Variants in OR10A2 observed in about 807,000 individuals in gnomAD.
OR10A2 encodes olfactory receptor 10A2.
A neutral mutation model predicts 13.7 loss-of-function variants in OR10A2; 15 were observed. The ratio of observed to expected loss-of-function variants is 1.10; its 90% CI spans 0.73 to 1.69. The LOEUF is 1.69. OR10A2 is among the 40% of genes most tolerant of loss of function. OR10A2 has a pLI of 0.00. For synonymous variants in OR10A2, 145 were observed against 144.7 expected (o/e 1.00, Z -0.02); for missense variants, 343 against 361.1 (o/e 0.95, Z 0.41).
rs974627220 is a variant in OR10A2 at position 6,873,583 on chromosome 11, G to A, written c.*2917G>A. ...CAGGAGTGCTGAGAGACTATGATGT[G>A]TGTAAGGAACACAAAGCATTTTTGT... On this transcript the variant is annotated 3_prime_UTR_variant, in exon 2 of 2. Coordinates refer to ENST00000641461, the MANE Select transcript of OR10A2 (RefSeq NM_001004460.2). 3.9e-5 allele frequency: 6 copies of A among 152,208 alleles called. No individual in the cohort carries two copies. The highest frequency in any genetic ancestry group is 5.9e-5 in the Non-Finnish European group (4 of 68,040). 9.4% of individuals were successfully genotyped at this position (152,208 alleles called of 1,614,324 possible).
rs963582253 is a variant in OR10A2, at chr11:6,871,590, A to T, written c.*924A>T. The T allele has an allele frequency of 6.6e-6, 1 of 152,166 alleles. No individual in the cohort carries two copies. The highest frequency in any genetic ancestry group is 1.5e-5 in the Non-Finnish European group (1 of 68,020). 9.4% of individuals were successfully genotyped at this position (152,166 alleles called of 1,614,324 possible). On this transcript the variant is annotated 3_prime_UTR_variant, in exon 2 of 2. Coordinates refer to ENST00000641461, the MANE Select transcript of OR10A2 (RefSeq NM_001004460.2). The stretch of plus-strand genomic sequence containing the variant: ...ATTTCCTTCACACTAGATTCTTCCC[A>T]AGAAAAACAACCTGAGCTTCCCTAA...
At chr11:6,869,339 G>A (rs1028682327) in intron 1 of OR10A2, among the ~76,000 whole-genome samples, 6 of 152,016 alleles carry the variant, frequency 3.9e-5, no homozygotes, top group Non-Finnish European at 8.8e-5. Context: ...GTTCTTTTAC[G>A]AGATTATAAA....
At position 6,869,717 on chromosome 11, in the gene OR10A2, C is replaced by G. The variant is rs770205606; in HGVS notation, c.-38C>G. 1.4e-5 allele frequency: 22 copies of G among 1,559,816 alleles called. No homozygotes were observed. Among genetic ancestry groups the G allele is most frequent in the Non-Finnish European group, 1.9e-5 (21 of 1,134,388 alleles). On this transcript the variant is annotated 5_prime_UTR_variant, in exon 2 of 2. Coordinates refer to ENST00000641461, the MANE Select transcript of OR10A2 (RefSeq NM_001004460.2). ...TGGGGACTTCTGCCCACACTTATAG[C>G]TACAGGAAACTGGACAAGAATAAGT...
intron 1 of OR10A2, among the ~76,000 whole-genome samples, chr11:6,866,934 C>T (rs1358090982): frequency 6.6e-6 from 1 of 152,094 alleles, no homozygotes; most frequent in Non-Finnish European, 1.5e-5. Context: ...TTCTACCCCT[C>T]TCCATTCTTT....
Position 6,870,833 on chromosome 11 carries a change from G to C in OR10A2, c.*167G>C, listed in dbSNP as rs1848426889. ...GGAGCAGAGAAGTAGTTTCGACCTA[G>C]CACCACCAACTATGAAAACTCCTCT... On this transcript the variant is annotated 3_prime_UTR_variant, in exon 2 of 2. Transcript: ENST00000641461. 7.4e-6 allele frequency: 4 copies of C among 541,536 alleles called. No individual in the cohort carries two copies. The highest frequency in any genetic ancestry group is 1.3e-5 in the Non-Finnish European group (4 of 311,288). The allele number at this position is 541,536 out of a possible 1,614,324, so 33.5% of individuals were successfully genotyped here.
intron 1 of OR10A2, among the ~76,000 whole-genome samples, chr11:6,865,332 A>T (rs4505048): frequency 0.33 from 49,393 of 151,312 alleles, 8,565 homozygotes; most frequent in South Asian, 0.41. Flanking sequence ...ATGTATCACA[A>T]GTGTGCAGGC....
At position 6,871,587 on chromosome 11, in the gene OR10A2, C is replaced by A. The variant is rs115356065; in HGVS notation, c.*921C>A. ...ATTATTTCCTTCACACTAGATTCTT[C>A]CCAAGAAAAACAACCTGAGCTTCCC... On this transcript the variant is annotated 3_prime_UTR_variant, in exon 2 of 2. Transcript: ENST00000641461. 1 of 152,276 alleles carries A rather than the reference C, an allele frequency of 6.6e-6. No homozygotes were observed. Among genetic ancestry groups the A allele is most frequent in the African/African-American group, 2.4e-5 (1 of 41,554 alleles). 9.4% of individuals were successfully genotyped at this position (152,276 alleles called of 1,614,324 possible). A position where few individuals can be genotyped will look rare whatever the true frequency, so the allele number is the denominator to read the frequency against.
intron 1 of OR10A2, among the ~76,000 whole-genome samples, chr11:6,865,388 G>A (rs180869267): frequency 1.3e-5 from 2 of 151,734 alleles, no homozygotes; most frequent in Admixed American, 1.3e-4. Flanking sequence ...TTATATGACA[G>A]CATTAAATGT....
Position 6,869,630 on chromosome 11 carries a change from G to A in OR10A2, c.-125G>A, listed in dbSNP as rs1394451451. ...TGCCTCTTTCCCTGACAGTAAGAAC[G>A]AGTCTGAAAAACAAATTGAGAATCT... On this transcript the variant is annotated 5_prime_UTR_variant, in exon 2 of 2. Transcript: ENST00000641461. The A allele has an allele frequency of 5.7e-6, 5 of 874,370 alleles. No homozygotes were observed. The highest frequency in any genetic ancestry group is 3.2e-5 in the South Asian group (2 of 63,096). The allele number at this position is 874,370 out of a possible 1,614,324, so 54.2% of individuals were successfully genotyped here. A position where few individuals can be genotyped will look rare whatever the true frequency, so the allele number is the denominator to read the frequency against.
chr11:6,870,250 T>G lies in OR10A2; in HGVS notation c.496T>G (p.Cys166Gly), dbSNP rs747363841. Residue 166 changes from cysteine (C) to glycine (G), a missense_variant, in exon 2 of 2, where the codon TGT becomes GGT. Cys to Gly is a radical substitution (Grantham distance 159). Transcript: ENST00000641461. ...CACCAACAAGGTGAACCACTTCTTC[T>G]GTGACAGCCCACCTGTGCTGAGGCT... The part of the protein sequence containing the change: ...CGTNKVNHFF[C>G]DSPPVLRLVC... The G allele has an allele frequency of 6.2e-7, 1 of 1,614,208 alleles. No homozygotes were observed. Among genetic ancestry groups the G allele is most frequent in the South Asian group, 1.1e-5 (1 of 91,086 alleles).
Position 6,873,627 on chromosome 11 carries a change from A to G in OR10A2, c.*2961A>G, listed in dbSNP as rs7941032. ...TTTTTGTGTCACTGAAAAATCAGCT[A>G]CACTGGGGATTTGAAACTGGAAAAA... On this transcript the variant is annotated 3_prime_UTR_variant, in exon 2 of 2. Coordinates refer to ENST00000641461, the MANE Select transcript of OR10A2 (RefSeq NM_001004460.2). 31,163 of 152,230 alleles carry G rather than the reference A, an allele frequency of 0.2. 3,356 individuals are homozygous for G. Among genetic ancestry groups the G allele is most frequent in the Non-Finnish European group, 0.24 (16,170 of 68,018 alleles). 9.4% of individuals were successfully genotyped at this position (152,230 alleles called of 1,614,324 possible). A position where few individuals can be genotyped will look rare whatever the true frequency, so the allele number is the denominator to read the frequency against.
At chr11:6,864,576 GAGA>G (rs1271417847) in intron 1 of OR10A2, among the ~76,000 whole-genome samples, 10 of 152,140 alleles carry the variant, frequency 6.6e-5, no homozygotes, top group Non-Finnish European at 1.5e-4. Flanking sequence ...GAGGAAAATA[GAGA>G]AGATGACTAA....
chr11:6,869,326 TGTG>T (rs1471635348), intron 1 of OR10A2, among the ~76,000 whole-genome samples: 20 of 152,270 alleles, frequency 1.3e-4, no homozygotes, highest in African/African-American at 4.6e-4. Context: ...TTTAAATGTA[TGTG>T]TTCTTTTACG....
In OR10A2 at chr11:6,874,184, C is replaced by T. The variant is rs1449138; in HGVS notation, c.*3518C>T. 71,101 of 151,978 alleles carry T rather than the reference C, an allele frequency of 0.47. 18,147 individuals are homozygous for T. Among genetic ancestry groups the T allele is most frequent in the Admixed American group, 0.57 (8,652 of 15,276 alleles). The allele number at this position is 151,978 out of a possible 1,614,324, so 9.4% of individuals were successfully genotyped here. A position where few individuals can be genotyped will look rare whatever the true frequency, so the allele number is the denominator to read the frequency against. Reference sequence around the variant, plus strand: ...TCCTTATGAATGGGGCTCACTGTACCTACTTTGTGTCTGTGTAGATGTTTC... The same window carrying T: ...TCCTTATGAATGGGGCTCACTGTACTTACTTTGTGTCTGTGTAGATGTTTC... On this transcript the variant is annotated 3_prime_UTR_variant, in exon 2 of 2. Coordinates refer to ENST00000641461, the MANE Select transcript of OR10A2 (RefSeq NM_001004460.2).
intron 1 of OR10A2, among the ~76,000 whole-genome samples, chr11:6,864,965 T>G (rs1330720377): frequency 1.4e-5 from 2 of 146,796 alleles, no homozygotes; most frequent in African/African-American, 2.5e-5. Flanking sequence ...TTCTCATATA[T>G]AAATATATAT....
chr11:6,864,536 C>T (rs1005858792), intron 1 of OR10A2, among the ~76,000 whole-genome samples: 4 of 152,032 alleles, frequency 2.6e-5, no homozygotes, highest in African/African-American at 7.2e-5. Context: ...GTAGAAATAT[C>T]TGAATAATTA....
At chr11:6,864,230 T>A (rs1848363073) in intron 1 of OR10A2, among the ~76,000 whole-genome samples, 1 of 152,070 alleles carries the variant, frequency 6.6e-6, no homozygotes, top group African/African-American at 2.4e-5. Context: ...CTGCCCCTCC[T>A]TCTCCCCAGT....
At chr11:6,863,585 C>A (rs1450748179) in intron 1 of OR10A2, among the ~76,000 whole-genome samples, 1 of 152,012 alleles carries the variant, frequency 6.6e-6, no homozygotes, top group Non-Finnish European at 1.5e-5. Context: ...TGATATTACC[C>A]AGGCTTTTTC....
chr11:6,869,938 C>G lies in OR10A2; in HGVS notation c.184C>G (p.Leu62Val). 11 of 1,614,168 alleles carry G rather than the reference C, an allele frequency of 6.8e-6. No homozygotes were observed. The highest frequency in any genetic ancestry group is 9.3e-6 in the Non-Finnish European group (11 of 1,179,994). ...NLSFLEIGFN[L>V]VIVPKMLGTL... ...ATCTTTCCTGGAGATTGGCTTCAAC[C>G]TAGTCATTGTGCCCAAAATGCTGGG... Residue 62 changes from leucine (L) to valine (V), a missense_variant, in exon 2 of 2, where the codon CTA becomes GTA. Leu to Val is a conservative substitution (Grantham distance 32). Coordinates refer to ENST00000641461, the MANE Select transcript of OR10A2 (RefSeq NM_001004460.2).
Sources: gnomAD v4.1 joint callset for allele counts (sites outside exome capture counted in the v4.1 genomes callset) on GRCh38, gnomAD v4.1.1 for gene constraint, MANE v1.5 for transcripts, NCBI Gene and HGNC (gene_info 2026-07-23, HGNC 2026-07-21) for gene names.